The following AKAP6 variants were observed in gnomAD, a reference collection of about 807,000 sequenced individuals.
The protein encoded by AKAP6 is A-kinase anchoring protein 6.
Under a neutral mutation model 188.5 loss-of-function variants are expected in AKAP6, and 58 were observed. That is an observed-to-expected ratio of 0.31 (90% CI 0.25 to 0.38). AKAP6 has a LOEUF of 0.38. AKAP6 is among the 10% of genes least tolerant of loss of function. The probability of loss-of-function intolerance (pLI) is 1.00; values close to 1 mark genes in which losing one functional copy is unlikely to be tolerated. For synonymous variants in AKAP6, 989 were observed against 998.6 expected, an observed-to-expected ratio of 0.99 and a Z score of 0.18; for missense variants, 2,710 against 2,740.0, an observed-to-expected ratio of 0.99 and a Z score of 0.24.
intron 2 of AKAP6, among the ~76,000 whole-genome samples, chr14:32,500,020 A>G (rs1880528083): frequency 6.6e-6 from 1 of 152,170 alleles, no homozygotes; most frequent in African/African-American, 2.4e-5. Context: ...ATCTATAAAA[A>G]TCTAATTGTA....
chr14:32,788,694 A>G (rs2033510718), intron 12 of AKAP6, among the ~76,000 whole-genome samples: 1 of 152,022 alleles, frequency 6.6e-6, no homozygotes, highest in Non-Finnish European at 1.5e-5. Context: ...ACTAACTACC[A>G]GGTCTTTGGG....
In AKAP6 at chr14:32,472,307, T is replaced by G. The variant is rs557172771; in HGVS notation, c.324+38490T>G. ...CTTGGGTGAGGCAGCTGAGGGCAAG[T>G]CCCAGGGAGGGTCTCAGCTGAGAGC... On this transcript the variant is annotated intron_variant, in intron 2 of 13. Coordinates refer to ENST00000280979, the MANE Select transcript of AKAP6 (RefSeq NM_004274.5). Among the ~76,000 whole-genome samples the G allele has an allele frequency of 1.2e-4, 18 of 152,118 alleles. No individual in the cohort carries two copies. In the South Asian group the frequency reaches 2.1e-3, roughly 18 times the overall value.
At chr14:32,710,670 C>T (rs963590356) in intron 9 of AKAP6, among the ~76,000 whole-genome samples, 20 of 152,132 alleles carry the variant, frequency 1.3e-4, no homozygotes, top group Non-Finnish European at 2.5e-4. Context: ...AGTGCCTTTT[C>T]CTCCAGATCA....
At chr14:32,423,845 T>A (rs1889939961) in intron 1 of AKAP6, among the ~76,000 whole-genome samples, 1 of 152,172 alleles carries the variant, frequency 6.6e-6, no homozygotes, top group Non-Finnish European at 1.5e-5. Flanking sequence ...AAATGATCCT[T>A]AAAATTTTTC....
chr14:32,716,841 T>C (rs1395505959), intron 9 of AKAP6, among the ~76,000 whole-genome samples: 1 of 151,980 alleles, frequency 6.6e-6, no homozygotes. Context: ...CAGTCTTGCT[T>C]TCACATCGGT....
At chr14:32,678,229 C>T in intron 7 of AKAP6, 82 bp from the exon 8 acceptor site, 2 of 1,416,562 alleles carry the variant, frequency 1.4e-6, no homozygotes, top group Admixed American at 2.1e-5. Context: ...TGAAGAATTC[C>T]CATTCTTTGA....
intron 5 of AKAP6, among the ~76,000 whole-genome samples, chr14:32,589,005 G>A (rs576648433): frequency 1.3e-5 from 2 of 152,154 alleles, no homozygotes; most frequent in East Asian, 3.9e-4. Flanking sequence ...GTTTTTCATT[G>A]CTTGAAGTTA....
In AKAP6 at chr14:32,687,438, CTCTT is replaced by C. The variant is rs1186025160; in HGVS notation, c.2880-8548_2880-8545del. On this transcript the variant is annotated intron_variant, in intron 8 of 13. Transcript: ENST00000280979. Reference sequence around the variant, plus strand: ...TCTCTCTCTCTCTCTCTCTCTCTCTCTCTTTCTCTCTTTCTCTTTTTTTTTTTTC... The same window carrying C: ...TCTCTCTCTCTCTCTCTCTCTCTCTCTCTCTCTTTCTCTTTTTTTTTTTTC... 5.2e-5 allele frequency among the ~76,000 whole-genome samples: 7 copies of C among 134,186 alleles called. No homozygotes were observed. In the East Asian group the frequency reaches 6.2e-4, roughly 12 times the overall value. 88.0% of individuals were successfully genotyped at this position (134,186 alleles called of 152,430 possible).
chr14:32,734,092 A>C (rs984509776), intron 10 of AKAP6: 1 of 152,162 alleles, frequency 6.6e-6, no homozygotes. Flanking sequence ...TGCCATTTTG[A>C]CAAAAACATC....
chr14:32,418,240 AAAATT>A (rs945549358), intron 1 of AKAP6, among the ~76,000 whole-genome samples: 1 of 152,220 alleles, frequency 6.6e-6, no homozygotes, highest in African/African-American at 2.4e-5. Flanking sequence ...GAAAGAATGA[AAAATT>A]AAAAAGCATA....
rs532527454 is a variant in AKAP6 at position 32,636,299 on chromosome 14, G to A, written c.2730+35507G>A. 2.6e-5 allele frequency among the ~76,000 whole-genome samples: 4 copies of A among 152,154 alleles called. No homozygotes were observed. The East Asian group carries it at 7.7e-4, about 29-fold the overall frequency. On this transcript the variant is annotated intron_variant, in intron 7 of 13. Coordinates refer to ENST00000280979, the MANE Select transcript of AKAP6 (RefSeq NM_004274.5). Reference sequence around the variant, plus strand: ...AGATTCATGGGTGCTGTCTTCATTAGGAATGTTAACTTATCAAAACATAAT... The same window carrying A: ...AGATTCATGGGTGCTGTCTTCATTAAGAATGTTAACTTATCAAAACATAAT...
intron 2 of AKAP6, among the ~76,000 whole-genome samples, chr14:32,460,125 A>T (rs1891275324): frequency 6.6e-6 from 1 of 152,198 alleles, no homozygotes; most frequent in African/African-American, 2.4e-5. Flanking sequence ...TTCCAGGAGA[A>T]TTGGACAGAG....
At chr14:32,788,006 A>T (rs969688516) in intron 12 of AKAP6, among the ~76,000 whole-genome samples, 4 of 138,964 alleles carry the variant, frequency 2.9e-5, no homozygotes, top group Non-Finnish European at 6.0e-5. Flanking sequence ...ATACCACTTC[A>T]TTCTAGCCTG....
intron 7 of AKAP6, among the ~76,000 whole-genome samples, chr14:32,607,843 A>C (rs1886185137): frequency 6.6e-6 from 1 of 152,252 alleles, no homozygotes; most frequent in Admixed American, 6.5e-5. Context: ...CTATATAAAC[A>C]TAGTCCTGAT....
chr14:32,598,682 GA>G (rs939196004), intron 5 of AKAP6, among the ~76,000 whole-genome samples: 2 of 152,144 alleles, frequency 1.3e-5, no homozygotes, highest in Non-Finnish European at 2.9e-5. Context: ...AAGGAGCGGA[GA>G]GGGGGGAGTA....
At chr14:32,555,569 ACT>A (rs1309855274) in intron 4 of AKAP6, among the ~76,000 whole-genome samples, 5 of 151,974 alleles carry the variant, frequency 3.3e-5, no homozygotes, top group Admixed American at 1.3e-4. Context: ...CAAACCTGAA[ACT>A]CTATACCCAT....
In AKAP6 at chr14:32,833,864, A is replaced by G. The variant is rs543776003; in HGVS notation, c.*4059A>G. Reference sequence around the variant, plus strand: ...TTTCATTTTGAAAAAATTCAGACCTATGTAAAAGTTGAGAGTAGAACAAAG... The same window carrying G: ...TTTCATTTTGAAAAAATTCAGACCTGTGTAAAAGTTGAGAGTAGAACAAAG... On this transcript the variant is annotated 3_prime_UTR_variant, in exon 14 of 14. Transcript: ENST00000280979. 3.9e-5 allele frequency: 6 copies of G among 152,298 alleles called. No individual in the cohort carries two copies. The highest frequency in any genetic ancestry group is 2.1e-4 in the South Asian group (1 of 4,824). 9.4% of individuals were successfully genotyped at this position (152,298 alleles called of 1,614,324 possible).
At chr14:32,673,593 G>A (rs1376106273) in intron 7 of AKAP6, among the ~76,000 whole-genome samples, 2 of 152,064 alleles carry the variant, frequency 1.3e-5, no homozygotes, top group Non-Finnish European at 2.9e-5. Context: ...AAATTAGCTG[G>A]GTGTGGCAGC....
At chr14:32,506,773 T>C (rs1048542347) in intron 2 of AKAP6, among the ~76,000 whole-genome samples, 3 of 151,370 alleles carry the variant, frequency 2.0e-5, no homozygotes, top group African/African-American at 7.3e-5. Flanking sequence ...CCTCAAGTGA[T>C]CTGCCCACTT....
Sources: gnomAD v4.1 joint callset for allele counts (sites outside exome capture counted in the v4.1 genomes callset) on GRCh38, gnomAD v4.1.1 for gene constraint, MANE v1.5 for transcripts, NCBI Gene and HGNC (gene_info 2026-07-23, HGNC 2026-07-21) for gene names.